MEGF11: variants seen among roughly 807,000 people sequenced by gnomAD.
The protein encoded by MEGF11 is multiple EGF like domains 11, also known as multiple epidermal growth factor-like domains protein 11.
A neutral mutation model predicts 146.6 loss-of-function variants in MEGF11; 126 were observed. The ratio of observed to expected loss-of-function variants is 0.86; its 90% CI spans 0.74 to 1.00. MEGF11 has a LOEUF of 1.00. Ranked by LOEUF, MEGF11 falls within the 50% of genes least tolerant of loss-of-function variation. MEGF11 has a pLI of 0.00. For missense variants in MEGF11, 1,509 were observed against 1,521.2 expected (o/e 0.99, Z 0.13); for synonymous variants, 532 against 583.4 (o/e 0.91, Z 1.27).
chr15:65,963,947 G>C (rs1298816320), intron 9 of MEGF11, among the ~76,000 whole-genome samples: 2 of 152,240 alleles, frequency 1.3e-5, no homozygotes, highest in African/African-American at 4.8e-5. Flanking sequence ...GGGCTGCAAA[G>C]CAGAGGGATT....
intron 14 of MEGF11, 111 bp downstream of exon 14, chr15:65,922,712 T>A: frequency 7.3e-7 from 1 of 1,364,490 alleles, no homozygotes; most frequent in Non-Finnish European, 9.9e-7. Flanking sequence ...AAGGAAGAGA[T>A]GGGGGCTGAT....
At chr15:65,919,690 G>C (rs2079114489) in intron 15 of MEGF11, among the ~76,000 whole-genome samples, 1 of 152,214 alleles carries the variant, frequency 6.6e-6, no homozygotes, top group African/African-American at 2.4e-5. Context: ...GAGTGCAGTG[G>C]TGCAATCTCG....
intron 10 of MEGF11, among the ~76,000 whole-genome samples, chr15:65,933,616 C>T (rs2079656895): frequency 6.6e-6 from 1 of 152,210 alleles, no homozygotes; most frequent in Non-Finnish European, 1.5e-5. Context: ...AGATGGCTTT[C>T]TGCTTCCCAG....
chr15:65,959,032 T>TGGATCCCCAACACCTGGCTCA (rs1287878751), intron 9 of MEGF11, among the ~76,000 whole-genome samples: 2 of 152,228 alleles, frequency 1.3e-5, no homozygotes, highest in African/African-American at 4.8e-5. Flanking sequence ...GGACCATTGG[T>TGGATCCCCAACACCTGGCTCA]GGATCCCCAA....
intron 1 of MEGF11, among the ~76,000 whole-genome samples, chr15:66,208,086 G>GAAAAAA (rs758591227): frequency 1.1e-5 from 1 of 94,416 alleles, no homozygotes. Context: ...CTGTGCCTCA[G>GAAAAAA]AAAAAAAAAA....
At chr15:66,072,560 G>A (rs570816277) in intron 5 of MEGF11, among the ~76,000 whole-genome samples, 12 of 152,152 alleles carry the variant, frequency 7.9e-5, no homozygotes, top group South Asian at 2.1e-4. Context: ...AAACAGGTAC[G>A]CAGTAGGCCT....
At chr15:65,940,444 GGGAGCCTTATTT>G (rs1344548297) in intron 10 of MEGF11, among the ~76,000 whole-genome samples, 2 of 152,222 alleles carry the variant, frequency 1.3e-5, no homozygotes, top group Non-Finnish European at 2.9e-5. Context: ...CTCCCAAGTG[GGGAGCCTTATTT>G]GTAATTTCCT....
intron 5 of MEGF11, among the ~76,000 whole-genome samples, chr15:66,027,278 T>C (rs1434849110): frequency 6.6e-6 from 1 of 152,192 alleles, no homozygotes; most frequent in Non-Finnish European, 1.5e-5. Flanking sequence ...ACAGGCTGAG[T>C]CCACACTAGG....
chr15:65,922,410 T>G lies in MEGF11; in HGVS notation c.1885A>C (p.Ser629Arg), dbSNP rs1380747074. Residue 629 changes from serine to arginine, a missense_variant, in exon 15 of 26, where the codon AGC (serine) becomes CGC (arginine). Coordinates refer to ENST00000395614, the MANE Select transcript of MEGF11 (RefSeq NM_001385028.1). ...AQPCPLCVHS[S>R]RPCHHISGIC... is the part of the protein sequence containing the mutation. ...CCGCTGATGTGGTGGCAGGGCCTGC[T>G]GCTGTGCACGCAGAGGGGGCATGGC... 6.3e-7 allele frequency: 1 copy of G among 1,595,272 alleles called. No homozygotes were observed. Among genetic ancestry groups the G allele is most frequent in the Non-Finnish European group, 8.5e-7 (1 of 1,171,586 alleles).
chr15:66,019,576 C>G (rs1004322548), intron 5 of MEGF11, among the ~76,000 whole-genome samples: 3 of 152,160 alleles, frequency 2.0e-5, no homozygotes, highest in Non-Finnish European at 4.4e-5. Context: ...GCTAGGGAAC[C>G]GCAAGCCCCT....
chr15:66,010,161 TAAAA>T (rs11302321), intron 5 of MEGF11, among the ~76,000 whole-genome samples: 9 of 126,122 alleles, frequency 7.1e-5, no homozygotes, highest in Non-Finnish European at 9.8e-5. Flanking sequence ...GCTGATTAGC[TAAAA>T]AAAAAAAAAA....
intron 1 of MEGF11, among the ~76,000 whole-genome samples, chr15:66,202,249 C>T (rs2140095724): frequency 6.6e-6 from 1 of 152,302 alleles, no homozygotes; most frequent in East Asian, 1.9e-4. Flanking sequence ...CAAATGCGTA[C>T]ACACACCACA....
At chr15:66,136,583 C>T (rs985674638) in intron 1 of MEGF11, among the ~76,000 whole-genome samples, 3 of 152,196 alleles carry the variant, frequency 2.0e-5, no homozygotes, top group African/African-American at 7.2e-5. Flanking sequence ...TTGAAGTGCC[C>T]TACACATGTT....
intron 15 of MEGF11, among the ~76,000 whole-genome samples, chr15:65,919,145 C>T (rs777222795): frequency 3.3e-5 from 5 of 152,186 alleles, no homozygotes; most frequent in East Asian, 1.9e-4. Flanking sequence ...GACGGTGGGC[C>T]GCTAGTGGCT....
chr15:66,020,780 C>G (rs944955496), intron 5 of MEGF11, among the ~76,000 whole-genome samples: 24 of 152,054 alleles, frequency 1.6e-4, no homozygotes, highest in Admixed American at 7.9e-4. Context: ...ATCACGAGGT[C>G]AGGAGAGCGA....
At chr15:66,101,950 T>C (rs372888357) in intron 4 of MEGF11, among the ~76,000 whole-genome samples, 66 of 152,270 alleles carry the variant, frequency 4.3e-4, no homozygotes, top group African/African-American at 6.5e-4. Context: ...AGGACCTCCC[T>C]TGCAACGCTA....
intron 5 of MEGF11, among the ~76,000 whole-genome samples, chr15:66,017,726 GC>G (rs1246168077): frequency 6.6e-6 from 1 of 152,238 alleles, no homozygotes; most frequent in African/African-American, 2.4e-5. Flanking sequence ...TGATGTCTTT[GC>G]TCCAGGCGCA....
intron 5 of MEGF11, among the ~76,000 whole-genome samples, chr15:66,057,770 A>C (rs170780): frequency 0.98 from 149,021 of 152,174 alleles, 73,050 homozygotes; most frequent in Middle Eastern, 1. Flanking sequence ...CTGACATTTC[A>C]TCATAAAAAA....
At chr15:66,027,450 G>C (rs889915153) in intron 5 of MEGF11, among the ~76,000 whole-genome samples, 1 of 152,202 alleles carries the variant, frequency 6.6e-6, no homozygotes, top group Non-Finnish European at 1.5e-5. Flanking sequence ...AACTCATTCT[G>C]CTCCATCACT....
Sources: gnomAD v4.1 joint callset for allele counts (sites outside exome capture counted in the v4.1 genomes callset) on GRCh38, gnomAD v4.1.1 for gene constraint, MANE v1.5 for transcripts, NCBI Gene and HGNC (gene_info 2026-07-23, HGNC 2026-07-21) for gene names.